NALF1: variants seen among roughly 807,000 people sequenced by gnomAD.
The protein encoded by NALF1 is family with sequence similarity 155 member A.
In NALF1, 3 loss-of-function variants were observed where a neutral mutation model predicts 48.4. The observed-to-expected ratio is 0.06, with a 90% CI of 0.03 to 0.16. The LOEUF (loss-of-function observed/expected upper bound fraction) is 0.16. Among genes scored for constraint, NALF1 ranks in the 10% least tolerant of loss-of-function variants. NALF1 has a pLI of 1.00. For synonymous variants in NALF1, 262 were observed against 245.7 expected, an observed-to-expected ratio of 1.07 and a Z score of -0.62; for missense variants, 526 against 571.5, an observed-to-expected ratio of 0.92 and a Z score of 0.81.
rs1305998706 is a variant in NALF1, at chr13:107,223,198, T to C, written c.916-12443A>G. 2.0e-5 allele frequency among the ~76,000 whole-genome samples: 3 copies of C among 152,210 alleles called. No individual in the cohort carries two copies. In the East Asian group the frequency reaches 5.8e-4, roughly 29 times the overall value. ...AAAGATTTAGATATGTAAATGCTCA[T>C]ACTAAATTTATTGGCATCTTGTGAA... On this transcript the variant is annotated intron_variant, in intron 1 of 2. Transcript: ENST00000375915.
chr13:107,221,010 T>C (rs1167376047), intron 1 of NALF1, among the ~76,000 whole-genome samples: 1 of 152,162 alleles, frequency 6.6e-6, no homozygotes, highest in Non-Finnish European at 1.5e-5. Context: ...CAAGTTTGCA[T>C]TGAAGTAACT....
At chr13:107,253,443 C>T (rs557672446) in intron 1 of NALF1, among the ~76,000 whole-genome samples, 1 of 152,294 alleles carries the variant, frequency 6.6e-6, no homozygotes, top group Non-Finnish European at 1.5e-5. Context: ...GGAGACCCCT[C>T]ACCCCCAGCA....
At chr13:107,675,309 G>A (rs766601832) in intron 1 of NALF1, among the ~76,000 whole-genome samples, 11 of 152,088 alleles carry the variant, frequency 7.2e-5, no homozygotes, top group East Asian at 1.9e-4. Context: ...GCAGGCTCAC[G>A]TCTGGATCCC....
chr13:107,213,411 G>A (rs1015045351), intron 1 of NALF1, among the ~76,000 whole-genome samples: 1 of 152,010 alleles, frequency 6.6e-6, no homozygotes, highest in Non-Finnish European at 1.5e-5. Flanking sequence ...CAGGCTCCAC[G>A]GTGGCATCCG....
intron 1 of NALF1, among the ~76,000 whole-genome samples, chr13:107,301,080 T>C (rs927913694): frequency 4.6e-5 from 7 of 152,216 alleles, no homozygotes; most frequent in South Asian, 2.1e-4. Flanking sequence ...CTCTTTTTTA[T>C]GTATGTTGTA....
At chr13:107,356,570 TG>T (rs1882967317) in intron 1 of NALF1, among the ~76,000 whole-genome samples, 1 of 152,198 alleles carries the variant, frequency 6.6e-6, no homozygotes, top group African/African-American at 2.4e-5. Context: ...CATAGTCTGC[TG>T]TTTTCCTCAA....
intron 1 of NALF1, among the ~76,000 whole-genome samples, chr13:107,728,145 A>T (rs1466214969): frequency 6.6e-6 from 1 of 152,192 alleles, no homozygotes; most frequent in Non-Finnish European, 1.5e-5. Context: ...CAAGGATCTA[A>T]AACCAGAAAT....
At chr13:107,715,690 A>T (rs1875794161) in intron 1 of NALF1, among the ~76,000 whole-genome samples, 1 of 152,202 alleles carries the variant, frequency 6.6e-6, no homozygotes, top group Admixed American at 6.5e-5. Context: ...TGAGCCCTTC[A>T]GCAGAGATGG....
intron 1 of NALF1, among the ~76,000 whole-genome samples, chr13:107,548,963 G>C (rs2139127035): frequency 6.6e-6 from 1 of 152,180 alleles, no homozygotes; most frequent in East Asian, 1.9e-4. Flanking sequence ...TCTTGGTCAA[G>C]AAATACCATA....
chr13:107,629,590 T>C (rs1346710455), intron 1 of NALF1, among the ~76,000 whole-genome samples: 1 of 124,910 alleles, frequency 8.0e-6, no homozygotes, highest in Non-Finnish European at 1.8e-5. Flanking sequence ...ACTCAGTATC[T>C]CCCCTCACCC....
chr13:107,532,686 C>G (rs902991632), intron 1 of NALF1, among the ~76,000 whole-genome samples: 15 of 151,952 alleles, frequency 9.9e-5, no homozygotes, highest in African/African-American at 2.2e-4. Context: ...GACCTCATTT[C>G]AACTTTAATT....
chr13:107,812,315 T>G (rs115832645), intron 1 of NALF1, among the ~76,000 whole-genome samples: 101 of 152,260 alleles, frequency 6.6e-4, no homozygotes, highest in African/African-American at 2.3e-3. Context: ...ATTAAATGTT[T>G]TTATTATAAT....
intron 1 of NALF1, among the ~76,000 whole-genome samples, chr13:107,683,884 C>A (rs1566443029): frequency 6.6e-6 from 1 of 152,192 alleles, no homozygotes; most frequent in Non-Finnish European, 1.5e-5. Flanking sequence ...AGGGGACCCA[C>A]ATCAACCCAA....
chr13:107,295,930 A>G (rs897977740), intron 1 of NALF1, among the ~76,000 whole-genome samples: 3 of 152,352 alleles, frequency 2.0e-5, no homozygotes, highest in Non-Finnish European at 2.9e-5. Flanking sequence ...GTGAACTGTC[A>G]GTGTAAATTC....
chr13:107,336,983 G>T (rs1377857672), intron 1 of NALF1, among the ~76,000 whole-genome samples: 1 of 126,522 alleles, frequency 7.9e-6, no homozygotes, highest in Non-Finnish European at 1.6e-5. Flanking sequence ...AACCCGCATT[G>T]TTCTTCTTTT....
intron 1 of NALF1, among the ~76,000 whole-genome samples, chr13:107,252,462 GGAGAAAGA>G (rs1391307684): frequency 4.0e-5 from 6 of 151,308 alleles, no homozygotes; most frequent in Admixed American, 3.3e-4. Flanking sequence ...GACACAGAGA[GGAGAAAGA>G]GAGAAAGAGA....
At chr13:107,468,002 C>A (rs139963964) in intron 1 of NALF1, among the ~76,000 whole-genome samples, 3 of 150,004 alleles carry the variant, frequency 2.0e-5, no homozygotes, top group Non-Finnish European at 3.0e-5. Flanking sequence ...GAACTGAGAT[C>A]GCGCCACTGC....
intron 1 of NALF1, among the ~76,000 whole-genome samples, chr13:107,748,362 C>T (rs1049351077): frequency 5.3e-5 from 8 of 152,076 alleles, no homozygotes; most frequent in East Asian, 1.9e-4. Flanking sequence ...TGCAGTTCCA[C>T]GTAAATTACC....
rs1189335905 is a variant in NALF1 at position 107,443,169 on chromosome 13, A to AATCTATCAATCT, written c.916-232415_916-232414insAGATTGATAGAT. 3.0e-3 allele frequency among the ~76,000 whole-genome samples: 389 copies of AATCTATCAATCT among 128,426 alleles called. 2 individuals carry two copies. Among genetic ancestry groups the AATCTATCAATCT allele is most frequent in the Middle Eastern group, 7.9e-3 (2 of 252 alleles). 84.3% of individuals were successfully genotyped at this position (128,426 alleles called of 152,430 possible). On this transcript the variant is annotated intron_variant, in intron 1 of 2. Coordinates refer to ENST00000375915, the MANE Select transcript of NALF1 (RefSeq NM_001080396.3). ...TAAATTTATTATTTATTTATCTAAC[A>AATCTATCAATCT]ATCTATCTATCTATCTATCTATCTA...
Sources: gnomAD v4.1 joint callset for allele counts (sites outside exome capture counted in the v4.1 genomes callset) on GRCh38, gnomAD v4.1.1 for gene constraint, MANE v1.5 for transcripts, NCBI Gene and HGNC (gene_info 2026-07-23, HGNC 2026-07-21) for gene names.